The following ZNF568 variants were observed in gnomAD, a reference collection of about 807,000 sequenced individuals.
ZNF568 encodes the protein p53 inhibitor of SCO2 activation.
Under a neutral mutation model 18.1 loss-of-function variants are expected in ZNF568, and 11 were observed. The ratio of observed to expected loss-of-function variants is 0.61; its 90% CI spans 0.38 to 1.00. The LOEUF (loss-of-function observed/expected upper bound fraction) is 1.00. ZNF568 is among the 50% of genes least tolerant of loss of function. The probability of loss-of-function intolerance (pLI) is 0.01; values close to 1 mark genes in which losing one functional copy is unlikely to be tolerated. For missense variants in ZNF568, 639 were observed against 768.2 expected, an observed-to-expected ratio of 0.83 and a Z score of 1.99; for synonymous variants, 213 against 246.6, an observed-to-expected ratio of 0.86 and a Z score of 1.28.
chr19:36,990,975 G>A (rs958427429), intron 2 of ZNF568: 3 of 512,414 alleles, frequency 5.9e-6, no homozygotes, highest in African/African-American at 5.8e-5. Flanking sequence ...CTTTGCAGGA[G>A]TAAGCATGCC....
rs371204967 is a variant in ZNF568 at position 36,949,983 on chromosome 19, C to T, written c.830C>T (p.Pro277Leu). ...CAGAAAATTCATACTGGGGAAAAAC[C>T]GTATAAGTGTAATGAATGTGGAAAA... ...THQKIHTGEKPYKCNECGKAF... is the reference protein window; with the variant it reads ...THQKIHTGEKLYKCNECGKAF... The change falls in exon 7 of 7, where the codon CCG becomes CTG. Residue 277 changes from proline to leucine, a missense_variant. Pro to Leu is a moderately conservative substitution (Grantham distance 98, BLOSUM62 -3). Transcript: ENST00000333987. 60 of 1,613,664 alleles carry T rather than the reference C, an allele frequency of 3.7e-5. No individual in the cohort carries two copies. Among genetic ancestry groups the T allele is most frequent in the Non-Finnish European group, 4.3e-5 (51 of 1,179,926 alleles).
exon 5 of ZNF568, chr19:36,996,755 C>T (rs1420347255): frequency 2.6e-6 from 4 of 1,542,920 alleles, no homozygotes; most frequent in African/African-American, 1.4e-5. Context: ...TCTGGAATTA[C>T]TCAACCTCAG....
chr19:36,984,012 C>A (rs1394359343), downstream of ZNF568, among the ~76,000 whole-genome samples: 1 of 150,772 alleles, frequency 6.6e-6, no homozygotes, highest in East Asian at 1.9e-4. Flanking sequence ...AGTTCTCCTG[C>A]CTCAGCCTCC....
rs1169651599 is a variant in ZNF568 at position 36,950,328 on chromosome 19, GTAA to G, written c.1179_1181del (p.Asn393del). 1 of 1,613,720 alleles carries G rather than the reference GTAA, an allele frequency of 6.2e-7. No individual in the cohort carries two copies. The highest frequency in any genetic ancestry group is 2.2e-5 in the East Asian group (1 of 44,868). Reference sequence around the variant, plus strand: ...CACACAGGGGAGAAACCCTATAAATGTAATAAATGTGGAAAAGCTTTCTCTCAA... The same window carrying G: ...CACACAGGGGAGAAACCCTATAAATGTAAATGTGGAAAAGCTTTCTCTCAA... On this transcript the variant is annotated inframe_deletion, in exon 7 of 7. Transcript: ENST00000333987.
At position 36,924,914 on chromosome 19, in the gene ZNF568, C is replaced by G. The variant is rs1039460038; in HGVS notation, c.77-286C>G. 2.0e-5 allele frequency among the ~76,000 whole-genome samples: 3 copies of G among 151,938 alleles called. No individual in the cohort carries two copies. The East Asian group carries it at 5.8e-4, about 29-fold the overall frequency. Reference sequence around the variant, plus strand: ...ACTATTATTATGTACTTAAGATAAACTTCCTGTTAGAAATAAAACAGCAAG... The same window carrying G: ...ACTATTATTATGTACTTAAGATAAAGTTCCTGTTAGAAATAAAACAGCAAG... On this transcript the variant is annotated intron_variant, in intron 3 of 6. Coordinates refer to ENST00000333987, the MANE Select transcript of ZNF568 (RefSeq NM_198539.4).
At chr19:36,918,089 C>G (rs35881885) in intron 2 of ZNF568, among the ~76,000 whole-genome samples, 193 of 152,302 alleles carry the variant, frequency 1.3e-3, no homozygotes, top group Non-Finnish European at 2.4e-3. Flanking sequence ...GCTGGGACTA[C>G]AGACGCGCCA....
chr19:36,943,424 A>C (rs2073915384), intron 6 of ZNF568, among the ~76,000 whole-genome samples: 1 of 152,204 alleles, frequency 6.6e-6, no homozygotes, highest in Admixed American at 6.5e-5. Context: ...TTCTCAGGCC[A>C]GGAAAAAGAA....
chr19:36,966,570 A>G (rs2146327449), intron 6 of ZNF568, among the ~76,000 whole-genome samples: 1 of 152,336 alleles, frequency 6.6e-6, no homozygotes, highest in Admixed American at 6.5e-5. Context: ...GCTCCAAATT[A>G]ACCTTTTCAA....
In ZNF568 at chr19:36,968,559, C is replaced by CTA. The variant is rs1305552052; in HGVS notation, c.359-5847_359-5846dup. ...CTCTGTCTCCAAAAAAAAAAAAAAA[C>CTA]TATATATATATATATGCATATGATT... On this transcript the variant is annotated intron_variant, in intron 6 of 7. Transcript: ENST00000427117. 7.7e-3 allele frequency among the ~76,000 whole-genome samples: 1,093 copies of CTA among 142,446 alleles called. 5 individuals carry two copies. Among genetic ancestry groups the CTA allele is most frequent in the African/African-American group, 0.014 (526 of 38,768 alleles). 93.5% of individuals were successfully genotyped at this position (142,446 alleles called of 152,430 possible). A position where few individuals can be genotyped will look rare whatever the true frequency, so the allele number is the denominator to read the frequency against.
chr19:36,987,846 G>GTA (rs1290232587), intron 2 of ZNF568, among the ~76,000 whole-genome samples: 2 of 151,780 alleles, frequency 1.3e-5, no homozygotes, highest in African/African-American at 2.4e-5. Context: ...GTGTGTGTGT[G>GTA]TGTGTTGGGG....
At chr19:36,929,800 A>C (rs2073651513) in intron 4 of ZNF568, among the ~76,000 whole-genome samples, 1 of 151,822 alleles carries the variant, frequency 6.6e-6, no homozygotes, top group African/African-American at 2.4e-5. Flanking sequence ...TCAGTGAGCT[A>C]TGATTGTGGC....
chr19:36,924,453 G>A (rs940247966), intron 3 of ZNF568, among the ~76,000 whole-genome samples: 4 of 150,650 alleles, frequency 2.7e-5, no homozygotes, highest in African/African-American at 4.9e-5. Flanking sequence ...TCCTGACCTC[G>A]TGATCCGCCC....
chr19:36,975,123 G>A lies in ZNF568; in HGVS notation c.405+657G>A, dbSNP rs1197414152. 5.4e-5 allele frequency among the ~76,000 whole-genome samples: 8 copies of A among 148,194 alleles called. No homozygotes were observed. The East Asian group carries it at 1.6e-3, about 29-fold the overall frequency. On this transcript the variant is annotated intron_variant, in intron 7 of 7. Transcript: ENST00000427117. The stretch of plus-strand genomic sequence containing the variant: ...ATTACAGGCGAGAGCCATCTTGCAC[G>A]GCCCGCTTATCAATTTCTTTCTTTC...
intron 4 of ZNF568, among the ~76,000 whole-genome samples, chr19:36,931,820 C>T (rs1204233594): frequency 1.3e-5 from 2 of 152,196 alleles, no homozygotes; most frequent in Non-Finnish European, 2.9e-5. Flanking sequence ...GTGCAACCAT[C>T]ACCATAATCA....
intron 4 of ZNF568, among the ~76,000 whole-genome samples, chr19:36,993,115 C>T (rs1422824108): frequency 6.6e-6 from 1 of 152,040 alleles, no homozygotes; most frequent in Admixed American, 6.6e-5. Flanking sequence ...TATATAGGTT[C>T]CCTTCTTTTC....
Position 36,949,615 on chromosome 19 carries a change from A to G in ZNF568, c.462A>G (p.Glu154=). The change falls in exon 7 of 7, where the codon GAA becomes GAG. Residue 154 remains glutamate (E), a synonymous_variant. Transcript: ENST00000333987. ...KKILIKEKVI[E]CKKVAKIFPL... ...TTCTGATAAAGGAAAAAGTCATTGA[A>G]TGTAAAAAAGTTGCGAAAATATTTC... 2.5e-6 allele frequency: 4 copies of G among 1,613,780 alleles called. No individual in the cohort carries two copies. Among genetic ancestry groups the G allele is most frequent in the Admixed American group, 1.7e-5 (1 of 60,002 alleles).
chr19:36,944,308 G>T (rs2073928991), intron 6 of ZNF568, among the ~76,000 whole-genome samples: 1 of 151,534 alleles, frequency 6.6e-6, no homozygotes, highest in Non-Finnish European at 1.5e-5. Context: ...TGAGGCAGGA[G>T]AATTGCTTGA....
At chr19:36,931,978 G>T (rs2073693966) in intron 4 of ZNF568, among the ~76,000 whole-genome samples, 1 of 152,076 alleles carries the variant, frequency 6.6e-6, no homozygotes, top group Admixed American at 6.6e-5. Flanking sequence ...TGTAAATTGA[G>T]TCATATGATA....
downstream of ZNF568, among the ~76,000 whole-genome samples, chr19:36,955,482 G>A (rs1011124746): frequency 6.6e-6 from 1 of 152,108 alleles, no homozygotes; most frequent in African/African-American, 2.4e-5. Flanking sequence ...CTGATCTTGT[G>A]TCAGCAAGCA....
Sources: allele counts gnomAD v4.1 joint callset (sites outside exome capture counted in the v4.1 genomes callset), GRCh38; gene constraint gnomAD v4.1.1; transcripts MANE v1.5; gene names NCBI Gene and HGNC (gene_info 2026-07-23, HGNC 2026-07-21).